SEC14L1: variants seen among roughly 807,000 people sequenced by gnomAD.
SEC14L1 encodes the protein SEC14 like lipid binding 1, also known as SEC14-like protein 1.
SEC14L1 carries 48 observed loss-of-function variants against 85.3 expected under a neutral mutation model. That is an observed-to-expected ratio of 0.56 (90% CI 0.45 to 0.72). The LOEUF (loss-of-function observed/expected upper bound fraction) is 0.72. SEC14L1 is among the 30% of genes least tolerant of loss of function. SEC14L1 has a pLI of 0.00. For missense variants in SEC14L1, 682 were observed against 921.4 expected (o/e 0.74, Z 3.36); for synonymous variants, 391 against 355.5 (o/e 1.10, Z -1.12).
At chr17:77,133,319 C>T (rs1467240662) in intron 3 of SEC14L1, among the ~76,000 whole-genome samples, 1 of 152,238 alleles carries the variant, frequency 6.6e-6, no homozygotes, top group Non-Finnish European at 1.5e-5. Context: ...AACGGCCCCC[C>T]TACCTCAGGT....
At chr17:77,195,808 C>T (rs1489774271) in intron 7 of SEC14L1, among the ~76,000 whole-genome samples, 1 of 152,112 alleles carries the variant, frequency 6.6e-6, no homozygotes, top group Non-Finnish European at 1.5e-5. Flanking sequence ...CACAGTAGCT[C>T]CATTCAAAAT....
chr17:77,213,614 C>T lies in SEC14L1; in HGVS notation c.2042+122C>T. ...CGGGTGTCAGGAATGCTTGGAGGGC[C>T]AGGAGGGAGTGGCTTTGGGGTCATT... On this transcript the variant is annotated intron_variant, in intron 16 of 16. Transcript: ENST00000436233. This position sits in a 1 kb window ranked among gnomAD's most constrained non-coding sequence, Gnocchi z 7.1. 8.2e-7 allele frequency: 1 copy of T among 1,223,174 alleles called. No individual in the cohort carries two copies. The highest frequency in any genetic ancestry group is 1.2e-6 in the Non-Finnish European group (1 of 857,654). The allele number at this position is 1,223,174 out of a possible 1,614,324, so 75.8% of individuals were successfully genotyped here. A position where few individuals can be genotyped will look rare whatever the true frequency, so the allele number is the denominator to read the frequency against.
At chr17:77,175,703 C>A (rs1338732267) in intron 3 of SEC14L1, among the ~76,000 whole-genome samples, 2 of 151,996 alleles carry the variant, frequency 1.3e-5, no homozygotes, top group African/African-American at 4.8e-5. Flanking sequence ...TTTTCTTCTC[C>A]CTGTGTTGAG....
At position 77,214,619 on chromosome 17, in the gene SEC14L1, G is replaced by A. The variant is rs1598413044; in HGVS notation, c.*596G>A. 5.1e-6 allele frequency: 5 copies of A among 986,226 alleles called. No individual in the cohort carries two copies. The highest frequency in any genetic ancestry group is 6.0e-6 in the Non-Finnish European group (5 of 830,520). 61.1% of individuals were successfully genotyped at this position (986,226 alleles called of 1,614,324 possible). ...GCCAGACACACCCACACCACCCACT[G>A]TCCTGCAGTGGGGCCGGGGGCTCAG... On this transcript the variant is annotated 3_prime_UTR_variant, in exon 17 of 17. Transcript: ENST00000436233.
In SEC14L1 at chr17:77,141,025, TG is replaced by T. The variant is rs1343509462; in HGVS notation, c.-216del. 1 of 147,968 alleles carries T rather than the reference TG, an allele frequency of 6.8e-6. No individual in the cohort carries two copies. The highest frequency in any genetic ancestry group is 2.5e-5 in the African/African-American group (1 of 39,844). The allele number at this position is 147,968 out of a possible 1,614,324, so 9.2% of individuals were successfully genotyped here. On this transcript the variant is annotated 5_prime_UTR_variant, in exon 1 of 17. Transcript: ENST00000436233. Reference sequence around the variant, plus strand: ...CGGTCGAGCTACGGTCGCGGAGCAGTGGAACCGAGACTGCCCCGCGGAGCCG... The same window carrying T: ...CGGTCGAGCTACGGTCGCGGAGCAGTGAACCGAGACTGCCCCGCGGAGCCG...
chr17:77,162,530 A>G (rs749780885), intron 3 of SEC14L1, among the ~76,000 whole-genome samples: 11 of 152,132 alleles, frequency 7.2e-5, no homozygotes, highest in Non-Finnish European at 1.3e-4. Context: ...CATGGTGGAA[A>G]GGTTAAAAAA....
At chr17:77,113,326 G>A (rs935383956) in intron 3 of SEC14L1, among the ~76,000 whole-genome samples, 1 of 152,158 alleles carries the variant, frequency 6.6e-6, no homozygotes, top group Non-Finnish European at 1.5e-5. Flanking sequence ...TAAGAAGTCA[G>A]TGCCACCTTG....
intron 3 of SEC14L1, among the ~76,000 whole-genome samples, chr17:77,160,182 C>T (rs2143626540): frequency 6.6e-6 from 1 of 152,340 alleles, no homozygotes; most frequent in African/African-American, 2.4e-5. Context: ...ATAATATTTC[C>T]ATAGCTCATT....
At chr17:77,195,004 T>G in intron 7 of SEC14L1, 93 bp downstream of exon 7, 1 of 883,296 alleles carries the variant, frequency 1.1e-6, no homozygotes, top group Non-Finnish European at 1.8e-6. Context: ...CCCGCTTCCT[T>G]GGAACATTAG....
Position 77,190,930 on chromosome 17 carries a change from A to G in SEC14L1, c.191A>G (p.Asp64Gly), listed in dbSNP as rs1272603132. Residue 64 changes from aspartate (D) to glycine (G), a missense_variant, in exon 4 of 17, where the codon GAT becomes GGT. Physicochemically the swap from Asp to Gly is moderately conservative, Grantham distance 94 (BLOSUM62 -1). This residue lies in a region of SEC14L1 where 139 missense variants were observed against 201.3 expected (regional missense o/e 0.69). Transcript: ENST00000436233. ...VIERRCKLDV[D>G]APRLLKKIAG... ...GAAAGGCGCTGCAAGCTGGATGTAG[A>G]TGCACCCAGACTGCTGAAGAAGGTA... 3 of 1,614,076 alleles carry G rather than the reference A, an allele frequency of 1.9e-6. No homozygotes were observed. The highest frequency in any genetic ancestry group is 2.2e-5 in the East Asian group (1 of 44,896).
chr17:77,212,196 G>C lies in SEC14L1; in HGVS notation c.1858G>C (p.Val620Leu). The C allele has an allele frequency of 6.2e-7, 1 of 1,613,328 alleles. No homozygotes were observed. The highest frequency in any genetic ancestry group is 8.5e-7 in the Non-Finnish European group (1 of 1,179,882). ...SPLICKEGES[V>L]QGSHVTRWPG... ...TCTGATCTGCAAAGAAGGAGAAAGC[G>C]TGCAGGTAAAATCACACACAGGTCA... The change falls in exon 15 of 17, where the codon GTG becomes CTG. Residue 620 changes from valine to leucine, a missense_variant. Val to Leu is a conservative substitution (Grantham distance 32). This residue lies in a region of SEC14L1 where 420 missense variants were observed against 619.5 expected (regional missense o/e 0.68). Coordinates refer to ENST00000436233, the MANE Select transcript of SEC14L1 (RefSeq NM_001143998.2).
chr17:77,110,754 G>A (rs539124220), intron 3 of SEC14L1, among the ~76,000 whole-genome samples: 2 of 151,726 alleles, frequency 1.3e-5, no homozygotes, highest in African/African-American at 2.4e-5. Context: ...CGTGTTGGCA[G>A]GCACCTGTAG....
chr17:77,214,252 A>G lies in SEC14L1; in HGVS notation c.*229A>G, dbSNP rs1976926348. 2.2e-6 allele frequency: 3 copies of G among 1,342,898 alleles called. No individual in the cohort carries two copies. The highest frequency in any genetic ancestry group is 2.9e-5 in the African/African-American group (2 of 68,064). 83.2% of individuals were successfully genotyped at this position (1,342,898 alleles called of 1,614,324 possible). On this transcript the variant is annotated 3_prime_UTR_variant, in exon 17 of 17. Transcript: ENST00000436233. ...GCCATAGATTTTGTATACGTTGTGC[A>G]CAAAATCCAACCAGAGCGCAAGGGC...
upstream of SEC14L1, among the ~76,000 whole-genome samples, chr17:77,136,257 TTCTTTCTC>T (rs1275964730): frequency 6.6e-6 from 1 of 151,642 alleles, no homozygotes; most frequent in East Asian, 1.9e-4. Flanking sequence ...TTTCCTTTCT[TTCTTTCTC>T]TCTTTTTCTC....
intron 3 of SEC14L1, among the ~76,000 whole-genome samples, chr17:77,152,117 C>T: frequency 6.6e-6 from 1 of 152,198 alleles, no homozygotes; most frequent in Admixed American, 6.5e-5. Context: ...GGACTACAGG[C>T]TCACACCACC....
At position 77,089,497 on chromosome 17, in the gene SEC14L1, AC is replaced by A. The variant is rs1488120320; in HGVS notation, c.-240+227del. The A allele has an allele frequency of 1.6e-5, 8 of 514,710 alleles. No individual in the cohort carries two copies. The Admixed American group carries it at 1.6e-4, about 10-fold the overall frequency. 31.9% of individuals were successfully genotyped at this position (514,710 alleles called of 1,614,324 possible). The stretch of plus-strand genomic sequence containing the variant: ...ATGTATGATACTGCAAACAGGACCT[AC>A]GTTTAAAGAAAATGGTTGTAGTTAG... On this transcript the variant is annotated intron_variant, in intron 2 of 19. Coordinates refer to the SEC14L1 transcript ENST00000392476.
intron 3 of SEC14L1, among the ~76,000 whole-genome samples, chr17:77,117,581 A>G (rs1233137614): frequency 6.6e-6 from 1 of 152,204 alleles, no homozygotes; most frequent in Non-Finnish European, 1.5e-5. Context: ...CAACTCTTAG[A>G]TGAGAATTTT....
intron 3 of SEC14L1, among the ~76,000 whole-genome samples, chr17:77,132,373 C>T (rs1194250261): frequency 6.6e-6 from 1 of 152,070 alleles, no homozygotes; most frequent in Non-Finnish European, 1.5e-5. Flanking sequence ...CAGGCATGCA[C>T]CACCACACCC....
intron 3 of SEC14L1, among the ~76,000 whole-genome samples, chr17:77,100,280 A>C (rs1245021790): frequency 6.6e-6 from 1 of 152,138 alleles, no homozygotes; most frequent in African/African-American, 2.4e-5. Context: ...TCATCTGTAC[A>C]TGCGGCATTC....
Sources: gnomAD v4.1 joint callset for allele counts (sites outside exome capture counted in the v4.1 genomes callset) on GRCh38, gnomAD v4.1.1 for gene constraint, gnomAD v4.1.1 regional missense constraint, Gnocchi (gnomAD v3.1) non-coding constraint, MANE v1.5 for transcripts, NCBI Gene and HGNC (gene_info 2026-07-23, HGNC 2026-07-21) for gene names.